MAPKAP1: variants seen among roughly 807,000 people sequenced by gnomAD.
MAPKAP1 encodes the protein target of rapamycin complex 2 subunit MAPKAP1.
In MAPKAP1, 20 loss-of-function variants were observed where a neutral mutation model predicts 65.7. The ratio of observed to expected loss-of-function variants is 0.30; its 90% CI spans 0.21 to 0.44. The LOEUF is 0.44. MAPKAP1 is among the 20% of genes least tolerant of loss of function. The pLI is 1.00. For missense variants in MAPKAP1, 423 were observed against 648.0 expected (o/e 0.65, Z 3.77); for synonymous variants, 222 against 244.3 (o/e 0.91, Z 0.85).
intron 8 of MAPKAP1, among the ~76,000 whole-genome samples, chr9:125,495,868 C>T (rs912532742): frequency 6.6e-6 from 1 of 152,202 alleles, no homozygotes; most frequent in Non-Finnish European, 1.5e-5. Context: ...GGAAAGAAAA[C>T]AGGAATCACA....
chr9:125,596,153 C>T (rs1832119168), intron 4 of MAPKAP1: 1 of 774,968 alleles, frequency 1.3e-6, no homozygotes, highest in East Asian at 2.4e-5. Context: ...ATAAGACTGT[C>T]ATTCAAAAAC....
intron 6 of MAPKAP1, among the ~76,000 whole-genome samples, chr9:125,555,076 A>G (rs1415958023): frequency 6.6e-6 from 1 of 152,060 alleles, no homozygotes; most frequent in Non-Finnish European, 1.5e-5. Flanking sequence ...TTTGTATTTT[A>G]TTAACGTTAT....
At chr9:125,689,847 G>A (rs934586682) in intron 1 of MAPKAP1, among the ~76,000 whole-genome samples, 1 of 152,018 alleles carries the variant, frequency 6.6e-6, no homozygotes, top group Non-Finnish European at 1.5e-5. Flanking sequence ...AGAACTTTGA[G>A]AGGCCGAGGT....
At chr9:125,443,059 G>T (rs1852553943) in intron 11 of MAPKAP1, among the ~76,000 whole-genome samples, 1 of 152,132 alleles carries the variant, frequency 6.6e-6, no homozygotes, top group Non-Finnish European at 1.5e-5. Context: ...CTGGGAAATG[G>T]GAACAACTTT....
intron 10 of MAPKAP1, among the ~76,000 whole-genome samples, chr9:125,456,727 ACT>A (rs1853176394): frequency 6.6e-6 from 1 of 152,140 alleles, no homozygotes; most frequent in Non-Finnish European, 1.5e-5. Context: ...GCCAGCAACG[ACT>A]CAGTGAGCTT....
chr9:125,596,526 C>A (rs1832131205), intron 4 of MAPKAP1: 1 of 722,686 alleles, frequency 1.4e-6, no homozygotes, highest in Non-Finnish European at 2.6e-6. Context: ...GAAGCTCTGG[C>A]AGCTATGGTG....
intron 7 of MAPKAP1, among the ~76,000 whole-genome samples, chr9:125,533,994 C>T (rs1250394946): frequency 6.6e-6 from 1 of 152,126 alleles, no homozygotes; most frequent in Non-Finnish European, 1.5e-5. Flanking sequence ...TAGAATAATG[C>T]TTATGACACA....
At chr9:125,697,418 TTTC>T (rs1336074641) in intron 1 of MAPKAP1, among the ~76,000 whole-genome samples, 1 of 152,208 alleles carries the variant, frequency 6.6e-6, no homozygotes. Flanking sequence ...TCACCACCTA[TTTC>T]TTTTCTTTGC....
chr9:125,483,188 G>A (rs1054656908), intron 9 of MAPKAP1, among the ~76,000 whole-genome samples: 5 of 152,120 alleles, frequency 3.3e-5, no homozygotes, highest in Non-Finnish European at 7.4e-5. Context: ...GCAACCCTGC[G>A]TCATTGGTAC....
At chr9:125,582,094 T>G (rs553588139) in intron 5 of MAPKAP1, among the ~76,000 whole-genome samples, 3 of 152,192 alleles carry the variant, frequency 2.0e-5, no homozygotes, top group Admixed American at 2.0e-4. Context: ...CAGTATCAAC[T>G]GTCCTTCAGC....
intron 8 of MAPKAP1, among the ~76,000 whole-genome samples, chr9:125,497,037 GGAACT>G: frequency 6.6e-6 from 1 of 152,236 alleles, no homozygotes; most frequent in East Asian, 1.9e-4. Flanking sequence ...AGTAAAGGTA[GGAACT>G]GTAACGAGCC....
intron 8 of MAPKAP1, among the ~76,000 whole-genome samples, chr9:125,505,383 C>T (rs1019708270): frequency 5.9e-5 from 9 of 152,092 alleles, no homozygotes; most frequent in African/African-American, 1.9e-4. Context: ...TGAGATTGCA[C>T]CACTGCACTC....
intron 4 of MAPKAP1, among the ~76,000 whole-genome samples, chr9:125,619,210 T>C (rs1054994271): frequency 2.0e-5 from 3 of 152,218 alleles, no homozygotes; most frequent in African/African-American, 7.2e-5. Flanking sequence ...TAGAGATATT[T>C]ACATCTTGCA....
intron 5 of MAPKAP1, chr9:125,565,681 G>T (rs1831028544): frequency 2.5e-6 from 1 of 406,694 alleles, no homozygotes; most frequent in African/African-American, 2.4e-5. Context: ...CCTCAGGAAA[G>T]TGAGGTCCAA....
At position 125,438,944 on chromosome 9, in the gene MAPKAP1, TTTTC is replaced by T. The variant is rs1256064021; in HGVS notation, c.1508_1511del (p.Arg503AsnfsTer2). ...AGCTGAAGCTCGTACGTCTGTTCAG[TTTTC>T]TTTGTTTTTGAGCAAAGTAGTCAGC... On this transcript the variant is annotated frameshift_variant, in exon 12 of 12. Transcript: ENST00000265960. LOFTEE classifies it high-confidence loss of function. 2 of 1,614,210 alleles carry T rather than the reference TTTTC, an allele frequency of 1.2e-6. No individual in the cohort carries two copies. Among genetic ancestry groups the T allele is most frequent in the Non-Finnish European group, 8.5e-7 (1 of 1,180,022 alleles).
At chr9:125,503,796 A>C (rs1829052924) in intron 8 of MAPKAP1, among the ~76,000 whole-genome samples, 1 of 149,452 alleles carries the variant, frequency 6.7e-6, no homozygotes, top group South Asian at 2.1e-4. Context: ...AGCTCACTGC[A>C]ACCTCTGCCT....
At chr9:125,612,556 C>T (rs945402756) in intron 4 of MAPKAP1, among the ~76,000 whole-genome samples, 7 of 152,142 alleles carry the variant, frequency 4.6e-5, no homozygotes, top group African/African-American at 1.7e-4. Context: ...TTCCTGATTC[C>T]CTATTCTTTC....
intron 4 of MAPKAP1, chr9:125,652,200 A>G (rs1254888751): frequency 5.3e-6 from 7 of 1,319,618 alleles, no homozygotes; most frequent in Non-Finnish European, 7.0e-6. Context: ...GAGCTATTTA[A>G]TGCCAATGAT....
chr9:125,618,659 A>G (rs1177172467), intron 4 of MAPKAP1, among the ~76,000 whole-genome samples: 1 of 152,188 alleles, frequency 6.6e-6, no homozygotes, highest in African/African-American at 2.4e-5. Context: ...TAGTCACTCA[A>G]ATTTGTTTGA....
Sources: gnomAD v4.1 joint callset for allele counts (sites outside exome capture counted in the v4.1 genomes callset) on GRCh38, gnomAD v4.1.1 for gene constraint, MANE v1.5 for transcripts, NCBI Gene and HGNC (gene_info 2026-07-23, HGNC 2026-07-21) for gene names.